RAPGEF5: variants seen among roughly 807,000 people sequenced by gnomAD.
RAPGEF5 encodes the protein M-Ras-regulated GEF.
Under a neutral mutation model 125.2 loss-of-function variants are expected in RAPGEF5, and 65 were observed. The observed-to-expected ratio is 0.52, with a 90% CI of 0.43 to 0.64. The LOEUF (loss-of-function observed/expected upper bound fraction) is 0.64, where lower values mean the gene tolerates loss of function less well. Among genes scored for constraint, RAPGEF5 ranks in the 30% least tolerant of loss-of-function variants. The pLI, the probability that RAPGEF5 is intolerant of heterozygous loss-of-function variation, is 0.00. For synonymous variants in RAPGEF5, 391 were observed against 385.9 expected (o/e 1.01, Z -0.16); for missense variants, 958 against 1,048.1 (o/e 0.91, Z 1.19).
chr7:22,174,267 G>A (rs900632688), intron 11 of RAPGEF5, among the ~76,000 whole-genome samples: 4 of 152,212 alleles, frequency 2.6e-5, no homozygotes, highest in African/African-American at 9.7e-5. Context: ...AAGAATTGGA[G>A]GAGGAAAAGG....
intron 7 of RAPGEF5, among the ~76,000 whole-genome samples, chr7:22,253,366 G>A (rs1486501019): frequency 6.6e-6 from 1 of 152,150 alleles, no homozygotes; most frequent in Non-Finnish European, 1.5e-5. Flanking sequence ...GGGCGCTGCT[G>A]GACACAGTAT....
chr7:22,253,422 G>A (rs534092976), intron 7 of RAPGEF5, among the ~76,000 whole-genome samples: 110 of 152,254 alleles, frequency 7.2e-4, no homozygotes, highest in Middle Eastern at 6.8e-3. Context: ...CAAACCATCT[G>A]GAAAAATCAA....
intron 11 of RAPGEF5, among the ~76,000 whole-genome samples, chr7:22,172,588 T>C (rs1043754051): frequency 1.2e-4 from 19 of 152,190 alleles, no homozygotes; most frequent in African/African-American, 3.9e-4. Context: ...CAAGTATCCC[T>C]AGAGCATGCT....
At chr7:22,180,195 A>C (rs1424047473) in intron 11 of RAPGEF5, among the ~76,000 whole-genome samples, 1 of 152,222 alleles carries the variant, frequency 6.6e-6, no homozygotes, top group Non-Finnish European at 1.5e-5. Context: ...CTACAATATC[A>C]AAACAAACTT....
chr7:22,323,956 G>A (rs187738695), intron 1 of RAPGEF5, among the ~76,000 whole-genome samples: 2 of 152,224 alleles, frequency 1.3e-5, no homozygotes, highest in African/African-American at 4.8e-5. Flanking sequence ...AATGTTGCAG[G>A]CAAAAATCAT....
At chr7:22,134,122 T>C (rs144934947) in intron 23 of RAPGEF5, among the ~76,000 whole-genome samples, 2 of 152,346 alleles carry the variant, frequency 1.3e-5, no homozygotes, top group East Asian at 3.9e-4. Flanking sequence ...TTAAATTATG[T>C]GATTAAAAAA....
At chr7:22,348,185 T>G (rs1009942419) in intron 1 of RAPGEF5, among the ~76,000 whole-genome samples, 2 of 152,234 alleles carry the variant, frequency 1.3e-5, no homozygotes, top group African/African-American at 4.8e-5. Flanking sequence ...GCATTTCTTT[T>G]GCTGTGCTAT....
intron 6 of RAPGEF5, among the ~76,000 whole-genome samples, chr7:22,279,075 A>C (rs745387562): frequency 3.9e-5 from 6 of 152,256 alleles, no homozygotes; most frequent in Non-Finnish European, 8.8e-5. Flanking sequence ...CTCATATTCC[A>C]CTGAATCCAT....
chr7:22,140,242 A>T, intron 20 of RAPGEF5, 127 bp from the exon 21 acceptor site: 1 of 769,756 alleles, frequency 1.3e-6, no homozygotes, highest in Non-Finnish European at 2.1e-6. Context: ...CAGCCTACGT[A>T]CCCCTTACTG....
chr7:22,182,232 C>A lies in RAPGEF5; in HGVS notation c.1204+11135G>T, dbSNP rs190895223. Among the ~76,000 whole-genome samples, 313 of 152,212 alleles carry A rather than the reference C, an allele frequency of 2.1e-3. 2 individuals are homozygous for A. The highest frequency in any genetic ancestry group is 5.7e-3 in the Admixed American group (87 of 15,270). On this transcript the variant is annotated intron_variant, in intron 11 of 25. Coordinates refer to ENST00000665637, the MANE Select transcript of RAPGEF5 (RefSeq NM_012294.5). ...ATTATCTCACTTTAAATCCAACAAC[C>A]GTCTGGGGAGATGACACAAGATCTC...
chr7:22,256,113 T>C (rs1014147142), intron 7 of RAPGEF5, among the ~76,000 whole-genome samples: 1 of 152,256 alleles, frequency 6.6e-6, no homozygotes, highest in African/African-American at 2.4e-5. Flanking sequence ...ATTTTGCTTG[T>C]GTGGGGTTGA....
chr7:22,320,761 T>C (rs1220440068), intron 1 of RAPGEF5, among the ~76,000 whole-genome samples: 3 of 152,186 alleles, frequency 2.0e-5, no homozygotes, highest in African/African-American at 4.8e-5. Flanking sequence ...CCCAGCACTG[T>C]GGGAACTTCC....
intron 9 of RAPGEF5, among the ~76,000 whole-genome samples, chr7:22,211,963 CTTTTTTT>C (rs749576250): frequency 7.9e-5 from 9 of 114,360 alleles, no homozygotes; most frequent in Non-Finnish European, 1.2e-4. Flanking sequence ...CATGTGTTCT[CTTTTTTT>C]TTTTTTTTTT....
At chr7:22,353,840 T>C (rs1784373582) in intron 1 of RAPGEF5, among the ~76,000 whole-genome samples, 1 of 152,142 alleles carries the variant, frequency 6.6e-6, no homozygotes, top group South Asian at 2.1e-4. Context: ...ATTAACCAAA[T>C]GGCAGTTTGA....
intron 23 of RAPGEF5, among the ~76,000 whole-genome samples, chr7:22,132,565 T>G (rs1303430741): frequency 6.6e-6 from 1 of 152,214 alleles, no homozygotes; most frequent in South Asian, 2.1e-4. Flanking sequence ...GTTTTACCTT[T>G]TCTGTGTAGC....
intron 1 of RAPGEF5, among the ~76,000 whole-genome samples, chr7:22,333,196 CAGTAG>C (rs1369900958): frequency 4.6e-5 from 7 of 152,030 alleles, no homozygotes; most frequent in African/African-American, 1.5e-4. Flanking sequence ...TTCAGATCTT[CAGTAG>C]ATAAATATTT....
rs557420071 is a variant in RAPGEF5 at position 22,203,801 on chromosome 7, G to A, written c.997-9768C>T. 2.6e-5 allele frequency among the ~76,000 whole-genome samples: 4 copies of A among 152,258 alleles called. No individual in the cohort carries two copies. In the South Asian group the frequency reaches 6.2e-4, roughly 24 times the overall value. ...CAGTTCCCTGAAACCAAGCAGCCTG[G>A]GTCAACGGGCAACTGAGGCATGGTA... On this transcript the variant is annotated intron_variant, in intron 9 of 25. Transcript: ENST00000665637.
At chr7:22,346,585 G>A (rs546999270) in intron 1 of RAPGEF5, among the ~76,000 whole-genome samples, 2 of 152,250 alleles carry the variant, frequency 1.3e-5, no homozygotes, top group East Asian at 3.9e-4. Context: ...CTAAGTGTTA[G>A]GCAATCACAA....
chr7:22,152,073 T>A (rs1783646632), intron 17 of RAPGEF5, among the ~76,000 whole-genome samples: 2 of 152,236 alleles, frequency 1.3e-5, no homozygotes, highest in Admixed American at 6.5e-5. Flanking sequence ...AGCTGTTCAG[T>A]TATGCAGCAT....
Sources: allele counts gnomAD v4.1 joint callset (sites outside exome capture counted in the v4.1 genomes callset), GRCh38; gene constraint gnomAD v4.1.1; transcripts MANE v1.5; gene names NCBI Gene and HGNC (gene_info 2026-07-23, HGNC 2026-07-21).